Variants in LRP11 observed in about 807,000 individuals in gnomAD.
LRP11 encodes low-density lipoprotein receptor-related protein 11.
Under a neutral mutation model 43.1 loss-of-function variants are expected in LRP11, and 25 were observed. That is an observed-to-expected ratio of 0.58 (90% CI 0.42 to 0.81). LRP11 has a LOEUF of 0.81. LRP11 is among the 30% of genes least tolerant of loss of function. The pLI, the probability that LRP11 is intolerant of heterozygous loss-of-function variation, is 0.00. For synonymous variants in LRP11, 316 were observed against 299.4 expected (o/e 1.06, Z -0.57); for missense variants, 623 against 665.1 (o/e 0.94, Z 0.70).
At chr6:149,829,390 A>G (rs1776380792) in intron 5 of LRP11, among the ~76,000 whole-genome samples, 1 of 151,926 alleles carries the variant, frequency 6.6e-6, no homozygotes, top group Non-Finnish European at 1.5e-5. Flanking sequence ...GTGAAACCCC[A>G]TCTCTACTAA....
At chr6:149,838,930 C>T (rs57562601) in intron 3 of LRP11, among the ~76,000 whole-genome samples, 5,568 of 152,202 alleles carry the variant, frequency 0.037, 364 homozygotes, top group African/African-American at 0.13. Flanking sequence ...TTTACAGGGA[C>T]AGAGTGGACT....
At chr6:149,837,491 C>T (rs373270582) in intron 3 of LRP11, 28 bp from the exon 4 acceptor site, 28 of 1,608,006 alleles carry the variant, frequency 1.7e-5, no homozygotes, top group East Asian at 6.7e-5. Context: ...TCAAGTCACA[C>T]GAGTGCAGAA....
Position 149,837,418 on chromosome 6 carries a change from C to A in LRP11, c.959G>T (p.Gly320Val). 2.5e-6 allele frequency: 4 copies of A among 1,614,084 alleles called. No individual in the cohort carries two copies. Among genetic ancestry groups the A allele is most frequent in the Non-Finnish European group, 2.5e-6 (3 of 1,179,978 alleles). Reference protein sequence around the residue: ...CSRYHFFCDDGCCIDITLACD... With the variant: ...CSRYHFFCDDVCCIDITLACD... The stretch of plus-strand genomic sequence containing the variant: ...GGCGAGCGTGATGTCAATGCAGCAG[C>A]CATCGTCACAGAAGAAGTGGTAGCG... The change falls in exon 4 of 7, where the codon GGC becomes GTC. Residue 320 changes from glycine (G) to valine (V), a missense_variant. Physicochemically the swap from Gly to Val is moderately radical, Grantham distance 109. Coordinates refer to ENST00000239367, the MANE Select transcript of LRP11 (RefSeq NM_032832.6).
chr6:149,827,227 C>T lies in LRP11; in HGVS notation c.1253-868G>A, dbSNP rs1029465149. On this transcript the variant is annotated intron_variant, in intron 5 of 6. Transcript: ENST00000239367. This position sits in a 1 kb window ranked among gnomAD's most constrained non-coding sequence, Gnocchi z 4.2. ...TCAGCCTCCCAAAGTGCTGGGATGA[C>T]AGGCGTGAGCCACCATGCCCAGCCT... 2.0e-5 allele frequency among the ~76,000 whole-genome samples: 3 copies of T among 152,180 alleles called. No individual in the cohort carries two copies. Among genetic ancestry groups the T allele is most frequent in the Non-Finnish European group, 4.4e-5 (3 of 68,040 alleles).
chr6:149,837,241 G>A, intron 4 of LRP11, 97 bp downstream of exon 4: 1 of 1,333,970 alleles, frequency 7.5e-7, no homozygotes, highest in Non-Finnish European at 1.0e-6. Context: ...AATCAAGCAG[G>A]GGAAGGACAC....
chr6:149,828,114 T>C (rs1161783501), intron 5 of LRP11, among the ~76,000 whole-genome samples: 1 of 151,442 alleles, frequency 6.6e-6, no homozygotes, highest in Admixed American at 6.6e-5. Context: ...TCACTTGAAC[T>C]TGGGAGGCGG....
chr6:149,862,466 TG>T (rs1776923351), intron 1 of LRP11, among the ~76,000 whole-genome samples: 1 of 152,196 alleles, frequency 6.6e-6, no homozygotes, highest in Non-Finnish European at 1.5e-5. Context: ...TTGTGCCTCC[TG>T]TATGTGTCCT....
intron 3 of LRP11, 71 bp from the exon 4 acceptor site, chr6:149,837,534 G>A (rs1238779476): frequency 8.7e-6 from 13 of 1,500,900 alleles, no homozygotes; most frequent in Non-Finnish European, 1.2e-5. Context: ...TGACAAAGGG[G>A]AGTCCGTGGG....
chr6:149,830,307 A>T (rs1016995975), intron 5 of LRP11, among the ~76,000 whole-genome samples: 17 of 152,288 alleles, frequency 1.1e-4, no homozygotes, highest in African/African-American at 3.8e-4. Context: ...CACCGTGCCC[A>T]GCTGAGATTA....
intron 2 of LRP11, among the ~76,000 whole-genome samples, chr6:149,843,434 G>C (rs948589872): frequency 5.3e-5 from 8 of 152,040 alleles, no homozygotes; most frequent in Non-Finnish European, 1.0e-4. Flanking sequence ...CTCAGCAGGG[G>C]GACTCATCAG....
At chr6:149,829,408 A>T (rs530880184) in intron 5 of LRP11, among the ~76,000 whole-genome samples, 87 of 152,128 alleles carry the variant, frequency 5.7e-4, no homozygotes, top group Non-Finnish European at 1.1e-3. Context: ...TAAAAATACA[A>T]AAATTAGCTG....
intron 5 of LRP11, among the ~76,000 whole-genome samples, chr6:149,832,044 GT>G (rs1324658729): frequency 2.0e-5 from 3 of 152,178 alleles, no homozygotes; most frequent in African/African-American, 4.8e-5. Context: ...TGTGAGACTT[GT>G]TTCTCTCTAC....
intron 6 of LRP11, 95 bp from the exon 7 acceptor site, chr6:149,820,798 T>G: frequency 1.5e-6 from 1 of 653,312 alleles, no homozygotes. Flanking sequence ...ATGCACTATT[T>G]TATTTAATCC....
chr6:149,845,132 C>A (rs564865547), intron 2 of LRP11, among the ~76,000 whole-genome samples: 89 of 152,332 alleles, frequency 5.8e-4, no homozygotes, highest in African/African-American at 1.9e-3. Context: ...CACTTAACGT[C>A]TCCAAACCTC....
chr6:149,831,396 T>C (rs563195678), intron 5 of LRP11, among the ~76,000 whole-genome samples: 2 of 152,312 alleles, frequency 1.3e-5, no homozygotes, highest in East Asian at 3.9e-4. Context: ...CGGGGTAGCT[T>C]GGATACAAGA....
At position 149,863,400 on chromosome 6, in the gene LRP11, G is replaced by T. The variant is rs768665678; in HGVS notation, c.613+8C>A. 4 of 1,339,092 alleles carry T rather than the reference G, an allele frequency of 3.0e-6. No individual in the cohort carries two copies. The highest frequency in any genetic ancestry group is 4.7e-5 in the South Asian group (2 of 42,554). 83.0% of individuals were successfully genotyped at this position (1,339,092 alleles called of 1,614,324 possible). ...TGGCCAAGGCCGGCCCCTCAGTCGC[G>T]CGCTTACCCTGCCGGGGCGAGGCGC... On this transcript the variant is annotated splice_region_variant and intron_variant, in intron 1 of 6. Transcript: ENST00000239367.
intron 1 of LRP11, 77 bp downstream of exon 1, chr6:149,863,331 T>C: frequency 7.7e-7 from 1 of 1,290,510 alleles, no homozygotes; most frequent in Non-Finnish European, 9.8e-7. Context: ...CACGAGTGTG[T>C]TTCGCTTCCA....
chr6:149,822,157 G>A (rs566720780), intron 6 of LRP11, among the ~76,000 whole-genome samples: 2 of 152,212 alleles, frequency 1.3e-5, no homozygotes, highest in East Asian at 3.9e-4. Flanking sequence ...AGACCAGCCT[G>A]GGCAACATGG....
intron 6 of LRP11, among the ~76,000 whole-genome samples, chr6:149,825,370 T>C (rs1776325156): frequency 6.6e-6 from 1 of 152,212 alleles, no homozygotes; most frequent in Non-Finnish European, 1.5e-5. Context: ...TTCTGTTGTT[T>C]TCTGTCTTTG....
Sources: gnomAD v4.1 joint callset for allele counts (sites outside exome capture counted in the v4.1 genomes callset) on GRCh38, gnomAD v4.1.1 for gene constraint, Gnocchi (gnomAD v3.1) non-coding constraint, MANE v1.5 for transcripts, NCBI Gene and HGNC (gene_info 2026-07-23, HGNC 2026-07-21) for gene names.